The following GLE1 variants were observed in gnomAD, a reference collection of about 807,000 sequenced individuals.
The protein encoded by GLE1 is GLE1 RNA export mediator.
A neutral mutation model predicts 97.3 loss-of-function variants in GLE1; 78 were observed. That is an observed-to-expected ratio of 0.80 (90% CI 0.67 to 0.97). The LOEUF (loss-of-function observed/expected upper bound fraction) is 0.97, where lower values mean the gene tolerates loss of function less well. Ranked by LOEUF, GLE1 falls within the 50% of genes least tolerant of loss-of-function variation. The pLI, the probability that GLE1 is intolerant of heterozygous loss-of-function variation, is 0.00. For synonymous variants in GLE1, 302 were observed against 313.4 expected (o/e 0.96, Z 0.39); for missense variants, 753 against 857.5 (o/e 0.88, Z 1.52).
chr9:128,509,651 C>CAAAAAAAAA (rs200898903), intron 2 of GLE1, among the ~76,000 whole-genome samples: 1 of 126,056 alleles, frequency 7.9e-6, no homozygotes. Context: ...CTCCTAAACG[C>CAAAAAAAAA]AAAAAAAAAA....
At chr9:128,515,678 G>T in intron 3 of GLE1, 39 bp downstream of exon 3, 2 of 1,100,160 alleles carry the variant, frequency 1.8e-6, no homozygotes, top group Non-Finnish European at 2.8e-6. Flanking sequence ...TTGATCCTGC[G>T]AGCCACATTT....
chr9:128,530,848 G>T (rs1353171095), intron 9 of GLE1, among the ~76,000 whole-genome samples: 1 of 148,632 alleles, frequency 6.7e-6, no homozygotes, highest in Non-Finnish European at 1.5e-5. Flanking sequence ...GGCGGAGCTT[G>T]CAGTGCGCCG....
chr9:128,504,727 G>T lies in GLE1; in HGVS notation c.-79G>T. On this transcript the variant is annotated 5_prime_UTR_variant, in exon 1 of 16. Coordinates refer to ENST00000309971, the MANE Select transcript of GLE1 (RefSeq NM_001003722.2). ...GCGCGCGTCCCGGAAGCAGAAGCCT[G>T]TGTGGCCTTCCCGGCGGCTGATTCG... is the stretch of plus-strand genomic sequence containing the variant. The T allele has an allele frequency of 5.2e-6, 5 of 969,614 alleles. No homozygotes were observed. The Admixed American group carries it at 8.4e-5, about 16-fold the overall frequency. The allele number at this position is 969,614 out of a possible 1,614,324, so 60.1% of individuals were successfully genotyped here.
At position 128,533,782 on chromosome 9, in the gene GLE1, G is replaced by A; in HGVS notation, c.1477G>A (p.Ala493Thr). The A allele has an allele frequency of 6.2e-7, 1 of 1,614,104 alleles. No individual in the cohort carries two copies. Among genetic ancestry groups the A allele is most frequent in the Non-Finnish European group, 8.5e-7 (1 of 1,179,982 alleles). The change falls in exon 11 of 16, where the codon GCC becomes ACC. Residue 493 changes from alanine (A) to threonine (T), a missense_variant. Physicochemically the swap from Ala to Thr is moderately conservative, Grantham distance 58. Coordinates refer to ENST00000309971, the MANE Select transcript of GLE1 (RefSeq NM_001003722.2). ...TCAGAAACAAGGCGAGGAGGAAGTG[G>A]CCTCTCACCATGAAGCAGCATTCCC... The part of the protein sequence containing the change: ...KFVKQGEEEV[A>T]SHHEAAFPIA...
intron 4 of GLE1, 90 bp from the exon 5 acceptor site, chr9:128,523,190 G>A (rs1847203117): frequency 2.1e-6 from 2 of 960,432 alleles, no homozygotes; most frequent in Admixed American, 1.7e-5. Context: ...AGGAAGGGAA[G>A]GGAGGGCAGG....
chr9:128,509,599 G>A (rs988451710), intron 2 of GLE1, among the ~76,000 whole-genome samples: 1 of 147,950 alleles, frequency 6.8e-6, no homozygotes, highest in Admixed American at 6.8e-5. Flanking sequence ...ACTAGAGAGA[G>A]AACTATTTTC....
intron 1 of GLE1, among the ~76,000 whole-genome samples, chr9:128,507,044 T>C (rs181326100): frequency 6.6e-6 from 1 of 152,348 alleles, no homozygotes. Context: ...GCTCATCTTA[T>C]ATTTTTCTGC....
Position 128,515,242 on chromosome 9 carries a change from G to C in GLE1, c.322-287G>C, listed in dbSNP as rs555362063. Among the ~76,000 whole-genome samples the C allele has an allele frequency of 3.9e-5, 6 of 152,032 alleles. No individual in the cohort carries two copies. In the South Asian group the frequency reaches 1.0e-3, roughly 26 times the overall value. ...ATAAATGGACACTGATCTGAAGAAA[G>C]GGGAAACATTTTCTAGGCAGAGTAA... On this transcript the variant is annotated intron_variant, in intron 2 of 15. Coordinates refer to ENST00000309971, the MANE Select transcript of GLE1 (RefSeq NM_001003722.2).
intron 9 of GLE1, among the ~76,000 whole-genome samples, chr9:128,532,037 CT>C (rs914370236): frequency 7.7e-4 from 110 of 141,952 alleles, no homozygotes; most frequent in Middle Eastern, 3.6e-3. Context: ...ACATGGTTGG[CT>C]TTTTTTTTTT....
At chr9:128,522,579 A>C in intron 3 of GLE1, 89 bp from the exon 4 acceptor site, 3 of 1,373,658 alleles carry the variant, frequency 2.2e-6, no homozygotes, top group Non-Finnish European at 2.9e-6. Flanking sequence ...TGAACCCGGG[A>C]GTTGGAGGTT....
At chr9:128,540,391 C>A in intron 15 of GLE1, 53 bp downstream of exon 15, 3 of 1,129,244 alleles carry the variant, frequency 2.7e-6, no homozygotes, top group Non-Finnish European at 4.1e-6. Flanking sequence ...CTGGAATGCA[C>A]CTATGTCTGA....
chr9:128,532,441 G>T (rs1323854569), intron 9 of GLE1, among the ~76,000 whole-genome samples: 1 of 151,218 alleles, frequency 6.6e-6, no homozygotes, highest in Admixed American at 6.6e-5. Flanking sequence ...GGTCAGGCTG[G>T]TCTCGAACTC....
rs779658106 is a variant in GLE1, at chr9:128,533,862, C to A, written c.1557C>A (p.Leu519=). 6.2e-7 allele frequency: 1 copy of A among 1,612,832 alleles called. No homozygotes were observed. The highest frequency in any genetic ancestry group is 1.1e-5 in the South Asian group (1 of 91,068). The change falls in exon 11 of 16, where the codon CTC becomes CTA. Residue 519 remains leucine (L), a synonymous_variant. Coordinates refer to ENST00000309971, the MANE Select transcript of GLE1 (RefSeq NM_001003722.2). ...IWELHPRVGD[L]ILAHLHKKCP... is the part of the protein sequence containing the mutation. ...AGCTCCACCCCAGAGTGGGGGACCTCATTCTTGCTCATCTACATAAGAAGT... is the reference window on the plus strand; with the variant it reads ...AGCTCCACCCCAGAGTGGGGGACCTAATTCTTGCTCATCTACATAAGAAGT...
intron 9 of GLE1, among the ~76,000 whole-genome samples, chr9:128,532,209 C>CTTTTTTTTT (rs1160924908): frequency 2.0e-5 from 1 of 49,358 alleles, no homozygotes; most frequent in African/African-American, 7.7e-5. Flanking sequence ...ATCTGCTTTG[C>CTTTTTTTTT]TTTTTTTTTT....
chr9:128,520,402 GTATATATGTA>G (rs1441396390), intron 3 of GLE1, among the ~76,000 whole-genome samples: 32 of 147,460 alleles, frequency 2.2e-4, no homozygotes, highest in Admixed American at 7.5e-4. Context: ...ATGTATGTGT[GTATATATGTA>G]TATATATGTA....
At position 128,508,898 on chromosome 9, in the gene GLE1, C is replaced by T. The variant is rs780559879; in HGVS notation, c.122C>T (p.Ser41Phe). The change falls in exon 2 of 16, where the codon TCT (serine) becomes TTT (phenylalanine). Residue 41 changes from serine to phenylalanine, a missense_variant. Ser to Phe is a radical substitution (Grantham distance 155). Transcript: ENST00000309971. ...RREDVLEECM[S>F]LPKLSSYSGW... The stretch of plus-strand genomic sequence containing the variant: ...TAGGATGTTTTAGAAGAATGTATGT[C>T]TCTTCCCAAGCTATCTTCTTATTCT... 2.2e-5 allele frequency: 35 copies of T among 1,603,268 alleles called. 1 individual carries two copies. The South Asian group carries it at 3.7e-4, about 17-fold the overall frequency.
intron 3 of GLE1, 111 bp downstream of exon 3, chr9:128,515,750 G>A (rs187924826): frequency 2.2e-5 from 16 of 712,538 alleles, no homozygotes; most frequent in Admixed American, 2.0e-4. Flanking sequence ...CCCACCTACT[G>A]TTTAGTTTTG....
At position 128,508,908 on chromosome 9, in the gene GLE1, G is replaced by A. The variant is rs1846718664; in HGVS notation, c.132G>A (p.Lys44=). 6.2e-7 allele frequency: 1 copy of A among 1,608,884 alleles called. No individual in the cohort carries two copies. The highest frequency in any genetic ancestry group is 8.5e-7 in the Non-Finnish European group (1 of 1,175,282). The change falls in exon 2 of 16, where the codon AAG becomes AAA. Residue 44 remains lysine, a synonymous_variant. Coordinates refer to ENST00000309971, the MANE Select transcript of GLE1 (RefSeq NM_001003722.2). ...TAGAAGAATGTATGTCTCTTCCCAA[G>A]CTATCTTCTTATTCTGGATGGGTGG... ...DVLEECMSLP[K]LSSYSGWVVE...
intron 9 of GLE1, among the ~76,000 whole-genome samples, chr9:128,528,658 T>C (rs913361702): frequency 1.3e-5 from 2 of 152,188 alleles, no homozygotes; most frequent in Non-Finnish European, 2.9e-5. Context: ...GGATGGCTCT[T>C]AGCTTTGAAG....
Sources: gnomAD v4.1 joint callset for allele counts (sites outside exome capture counted in the v4.1 genomes callset) on GRCh38, gnomAD v4.1.1 for gene constraint, MANE v1.5 for transcripts, NCBI Gene and HGNC (gene_info 2026-07-23, HGNC 2026-07-21) for gene names.